NPHP4: variants seen among roughly 807,000 people sequenced by gnomAD.
NPHP4 encodes nephrocystin-4.
Under a neutral mutation model 155.8 loss-of-function variants are expected in NPHP4, and 151 were observed. That is an observed-to-expected ratio of 0.97 (90% CI 0.85 to 1.11). NPHP4 has a LOEUF of 1.11. NPHP4 is among the 50% of genes least tolerant of loss of function. The pLI, the probability that NPHP4 is intolerant of heterozygous loss-of-function variation, is 0.00. For missense variants in NPHP4, 1,956 were observed against 1,925.7 expected (o/e 1.02, Z -0.29); for synonymous variants, 845 against 816.8 (o/e 1.03, Z -0.59).
chr1:5,987,817 A>G (rs1446831392), intron 1 of NPHP4, among the ~76,000 whole-genome samples: 3 of 152,198 alleles, frequency 2.0e-5, no homozygotes, highest in African/African-American at 7.2e-5. Flanking sequence ...AGAGACAAAC[A>G]TGGGTACTTG....
chr1:5,975,195 TG>T (rs1386919572), intron 3 of NPHP4, among the ~76,000 whole-genome samples: 5 of 152,192 alleles, frequency 3.3e-5, no homozygotes, highest in African/African-American at 1.2e-4. Flanking sequence ...TACATGGATG[TG>T]CACACATGTT....
intron 6 of NPHP4, among the ~76,000 whole-genome samples, chr1:5,958,388 A>G (rs530984837): frequency 3.0e-4 from 46 of 152,186 alleles, no homozygotes; most frequent in African/African-American, 1.0e-3. Context: ...CCCTGTCTCT[A>G]CAAAACATAC....
chr1:5,977,455 C>A (rs528474889), intron 3 of NPHP4, among the ~76,000 whole-genome samples: 3 of 152,000 alleles, frequency 2.0e-5, no homozygotes, highest in Admixed American at 1.3e-4. Context: ...CAGGTCTCCA[C>A]GTTCTCCTAT....
At chr1:5,987,496 C>G (rs936113762) in intron 1 of NPHP4, among the ~76,000 whole-genome samples, 7 of 152,108 alleles carry the variant, frequency 4.6e-5, no homozygotes, top group Non-Finnish European at 1.0e-4. Flanking sequence ...GGGAAAGCCA[C>G]TGGGGCCTCA....
At chr1:5,951,294 C>T (rs12076999) in intron 7 of NPHP4, among the ~76,000 whole-genome samples, 3,187 of 152,282 alleles carry the variant, frequency 0.021, 94 homozygotes, top group African/African-American at 0.07. Context: ...GGACTCATCA[C>T]GAAAAGGGTG....
At chr1:5,907,961 G>A (rs890990423) in intron 12 of NPHP4, among the ~76,000 whole-genome samples, 1 of 152,204 alleles carries the variant, frequency 6.6e-6, no homozygotes, top group African/African-American at 2.4e-5. Flanking sequence ...GGGGGCCCAC[G>A]CACTACTGAA....
intron 19 of NPHP4, among the ~76,000 whole-genome samples, chr1:5,878,400 C>T (rs939987286): frequency 6.6e-6 from 1 of 152,374 alleles, no homozygotes; most frequent in African/African-American, 2.4e-5. Flanking sequence ...CCTGCAGCCA[C>T]GGCTGTGAGT....
At chr1:5,912,261 G>A (rs915253621) in intron 11 of NPHP4, among the ~76,000 whole-genome samples, 11 of 152,182 alleles carry the variant, frequency 7.2e-5, no homozygotes, top group Admixed American at 3.9e-4. Context: ...ACGATAGGCC[G>A]GGCACGGTGG....
intron 29 of NPHP4, 87 bp downstream of exon 29, chr1:5,863,803 G>A: frequency 1.4e-6 from 2 of 1,428,622 alleles, no homozygotes; most frequent in Non-Finnish European, 2.0e-6. Flanking sequence ...GGTGATTTGA[G>A]GAACTCGCTC....
intron 5 of NPHP4, among the ~76,000 whole-genome samples, chr1:5,962,886 T>A (rs1043926649): frequency 6.6e-6 from 1 of 152,130 alleles, no homozygotes; most frequent in Admixed American, 6.5e-5. Context: ...TGGGCTGCCC[T>A]CTTCACATTC....
intron 3 of NPHP4, among the ~76,000 whole-genome samples, chr1:5,975,553 C>CT: frequency 6.6e-6 from 1 of 152,314 alleles, no homozygotes; most frequent in African/African-American, 2.4e-5. Flanking sequence ...ACTAGTCCCC[C>CT]GGGCCCATCC....
At chr1:5,865,750 G>A in intron 26 of NPHP4, 1 of 163,928 alleles carries the variant, frequency 6.1e-6, no homozygotes, top group South Asian at 1.7e-4. Flanking sequence ...ACAGTCAAAT[G>A]GGGCTGGGTG....
intron 3 of NPHP4, among the ~76,000 whole-genome samples, chr1:5,976,155 A>T (rs485942): frequency 0.6 from 90,896 of 152,064 alleles, 27,531 homozygotes; most frequent in East Asian, 0.91. Context: ...CAGCAGGTGG[A>T]GCCGTCAGAT....
chr1:5,941,917 G>C (rs1455610863), intron 9 of NPHP4, among the ~76,000 whole-genome samples: 1 of 152,172 alleles, frequency 6.6e-6, no homozygotes, highest in Admixed American at 6.5e-5. Context: ...CTGGGCTGGG[G>C]CTCCTCCTCC....
chr1:5,945,022 G>T (rs1194816473), intron 9 of NPHP4, among the ~76,000 whole-genome samples: 1 of 152,162 alleles, frequency 6.6e-6, no homozygotes, highest in Non-Finnish European at 1.5e-5. Context: ...CACCCCAGAC[G>T]CCCATGAAGC....
intron 2 of NPHP4, among the ~76,000 whole-genome samples, chr1:5,982,381 T>C (rs575629897): frequency 1.3e-5 from 2 of 152,362 alleles, no homozygotes; most frequent in African/African-American, 4.8e-5. Flanking sequence ...GTTTGTAGCC[T>C]AGAAGCAACA....
chr1:5,874,805 C>A, intron 21 of NPHP4, 69 bp downstream of exon 21: 1 of 1,559,440 alleles, frequency 6.4e-7, no homozygotes, highest in Non-Finnish European at 8.8e-7. Flanking sequence ...CGAGCCAGCT[C>A]AGCAGGGGTG....
At chr1:5,964,900 T>C (rs1185691273) in intron 5 of NPHP4, among the ~76,000 whole-genome samples, 2 of 136,446 alleles carry the variant, frequency 1.5e-5, no homozygotes, top group African/African-American at 5.4e-5. Flanking sequence ...ATATATAAAA[T>C]ATATAATACA....
At chr1:5,895,256 A>C (rs1472793374) in intron 16 of NPHP4, among the ~76,000 whole-genome samples, 2 of 152,166 alleles carry the variant, frequency 1.3e-5, no homozygotes, top group Non-Finnish European at 2.9e-5. Context: ...TGGGTGCAGC[A>C]CACCAACATG....
Sources: gnomAD v4.1 joint callset for allele counts (sites outside exome capture counted in the v4.1 genomes callset) on GRCh38, gnomAD v4.1.1 for gene constraint, MANE v1.5 for transcripts, NCBI Gene and HGNC (gene_info 2026-07-23, HGNC 2026-07-21) for gene names.